The following KIAA1328 variants were observed in gnomAD, a reference collection of about 807,000 sequenced individuals.
KIAA1328 encodes the protein KIAA1328.
In KIAA1328, 52 loss-of-function variants were observed where a neutral mutation model predicts 68.1. That is an observed-to-expected ratio of 0.76 (90% CI 0.61 to 0.96). The LOEUF (loss-of-function observed/expected upper bound fraction) is 0.96. KIAA1328 is among the 40% of genes least tolerant of loss of function. KIAA1328 has a pLI of 0.00. For synonymous variants in KIAA1328, 232 were observed against 239.4 expected (o/e 0.97, Z 0.28); for missense variants, 641 against 677.6 (o/e 0.95, Z 0.60).
At chr18:36,966,021 G>A (rs184548206) in intron 6 of KIAA1328, among the ~76,000 whole-genome samples, 8 of 151,958 alleles carry the variant, frequency 5.3e-5, no homozygotes, top group Admixed American at 3.3e-4. Flanking sequence ...TCCTTGCTAG[G>A]CCTGCCATGG....
chr18:37,110,622 T>G (rs558287096), intron 7 of KIAA1328, among the ~76,000 whole-genome samples: 1 of 152,346 alleles, frequency 6.6e-6, no homozygotes, highest in East Asian at 1.9e-4. Context: ...TGGATACACT[T>G]AGGATGAACA....
chr18:37,136,822 C>CCT (rs2058656402), intron 7 of KIAA1328, among the ~76,000 whole-genome samples: 1 of 152,196 alleles, frequency 6.6e-6, no homozygotes. Flanking sequence ...TAGACATTAA[C>CCT]TGACTTAAAG....
chr18:36,896,554 C>T (rs543603763), intron 5 of KIAA1328, among the ~76,000 whole-genome samples: 1 of 152,230 alleles, frequency 6.6e-6, no homozygotes, highest in African/African-American at 2.4e-5. Context: ...TTTTGATACC[C>T]ACATGTAAAT....
chr18:36,908,715 A>G (rs781206062), intron 5 of KIAA1328, among the ~76,000 whole-genome samples: 1 of 152,156 alleles, frequency 6.6e-6, no homozygotes, highest in African/African-American at 2.4e-5. Context: ...CAGTGTGAAT[A>G]TATTTATCTA....
chr18:36,960,996 G>C (rs750367459), intron 6 of KIAA1328, among the ~76,000 whole-genome samples: 4 of 152,148 alleles, frequency 2.6e-5, no homozygotes, highest in Non-Finnish European at 5.9e-5. Context: ...GGTTTCAGAA[G>C]GTTGATAATA....
intron 5 of KIAA1328, among the ~76,000 whole-genome samples, chr18:36,940,983 T>C (rs1253366587): frequency 6.6e-6 from 1 of 152,172 alleles, no homozygotes; most frequent in Non-Finnish European, 1.5e-5. Flanking sequence ...CGAGTGCTCA[T>C]TTTTCTTATG....
At chr18:37,176,761 AC>A (rs1029205740) in intron 9 of KIAA1328, among the ~76,000 whole-genome samples, 15 of 152,212 alleles carry the variant, frequency 9.9e-5, no homozygotes, top group African/African-American at 3.6e-4. Flanking sequence ...GTCAGAGTTT[AC>A]CAAGTCTACT....
At chr18:36,864,181 T>G (rs2047662783) in intron 4 of KIAA1328, among the ~76,000 whole-genome samples, 2 of 152,224 alleles carry the variant, frequency 1.3e-5, no homozygotes, top group South Asian at 4.1e-4. Context: ...TAAATGCTTT[T>G]TCTCTGTCGA....
intron 4 of KIAA1328, among the ~76,000 whole-genome samples, chr18:36,874,636 G>C (rs909538839): frequency 6.6e-6 from 1 of 152,168 alleles, no homozygotes; most frequent in Admixed American, 6.5e-5. Flanking sequence ...TAGGTTGCCT[G>C]TTCACTCTGA....
chr18:36,834,639 G>A (rs1481077126), intron 2 of KIAA1328, among the ~76,000 whole-genome samples: 1 of 152,058 alleles, frequency 6.6e-6, no homozygotes, highest in Non-Finnish European at 1.5e-5. Flanking sequence ...TTTTACAAAT[G>A]ATAGCCAAAT....
chr18:37,030,185 T>G (rs2054766238), intron 6 of KIAA1328, among the ~76,000 whole-genome samples: 1 of 152,138 alleles, frequency 6.6e-6, no homozygotes, highest in African/African-American at 2.4e-5. Context: ...TCTGCCCTTA[T>G]GTTTATTTTT....
chr18:37,102,561 G>A (rs1191225381), intron 7 of KIAA1328, among the ~76,000 whole-genome samples: 1 of 152,042 alleles, frequency 6.6e-6, no homozygotes, highest in Non-Finnish European at 1.5e-5. Flanking sequence ...AACAAATTAA[G>A]CATAGAAGAA....
intron 6 of KIAA1328, among the ~76,000 whole-genome samples, chr18:37,025,666 T>C (rs1195952025): frequency 3.3e-5 from 5 of 152,208 alleles, no homozygotes; most frequent in Non-Finnish European, 7.3e-5. Context: ...AGTTGTTCTT[T>C]GAAATTAACG....
At chr18:36,955,033 T>A (rs1306990456) in intron 5 of KIAA1328, among the ~76,000 whole-genome samples, 2 of 152,102 alleles carry the variant, frequency 1.3e-5, no homozygotes, top group East Asian at 3.9e-4. Flanking sequence ...ACCATGAAGT[T>A]GTGGATTTTT....
intron 5 of KIAA1328, among the ~76,000 whole-genome samples, chr18:36,950,405 C>T (rs1000414771): frequency 6.6e-6 from 1 of 152,072 alleles, no homozygotes; most frequent in African/African-American, 2.4e-5. Context: ...ATACTCATTC[C>T]TCTAACATTT....
At chr18:36,993,723 G>C (rs1056391115) in intron 6 of KIAA1328, among the ~76,000 whole-genome samples, 6 of 152,078 alleles carry the variant, frequency 3.9e-5, no homozygotes, top group African/African-American at 1.4e-4. Flanking sequence ...GAAATCACTG[G>C]ATCTTGCTTA....
At position 37,156,213 on chromosome 18, in the gene KIAA1328, C is replaced by A. The variant is rs536139256; in HGVS notation, c.1233-3987C>A. ...CCTGAGGTCGGGAGTTCGAGACCAGCCTCACCAACATGGAGAAACCCCATC... is the reference window on the plus strand; with the variant it reads ...CCTGAGGTCGGGAGTTCGAGACCAGACTCACCAACATGGAGAAACCCCATC... On this transcript the variant is annotated intron_variant, in intron 7 of 9. Transcript: ENST00000280020. Among the ~76,000 whole-genome samples, 17 of 152,018 alleles carry A rather than the reference C, an allele frequency of 1.1e-4. No homozygotes were observed. In the South Asian group the frequency reaches 3.3e-3, roughly 30 times the overall value.
intron 9 of KIAA1328, among the ~76,000 whole-genome samples, chr18:37,191,385 G>A (rs2059902093): frequency 6.6e-6 from 1 of 152,140 alleles, no homozygotes; most frequent in Admixed American, 6.5e-5. Flanking sequence ...TTTTACATGT[G>A]CCTGCACTAA....
At chr18:37,005,214 T>G (rs1438923399) in intron 6 of KIAA1328, among the ~76,000 whole-genome samples, 1 of 152,006 alleles carries the variant, frequency 6.6e-6, no homozygotes, top group African/African-American at 2.4e-5. Flanking sequence ...AAATTACCCC[T>G]GTTTTCCCCA....
Sources: gnomAD v4.1 joint callset for allele counts (sites outside exome capture counted in the v4.1 genomes callset) on GRCh38, gnomAD v4.1.1 for gene constraint, MANE v1.5 for transcripts, NCBI Gene and HGNC (gene_info 2026-07-23, HGNC 2026-07-21) for gene names.